Variants in C1QTNF7 observed in about 807,000 individuals in gnomAD.
C1QTNF7 encodes C1q and TNF related 7, also known as complement C1q tumor necrosis factor-related protein 7.
Under a neutral mutation model 19.6 loss-of-function variants are expected in C1QTNF7, and 15 were observed. That is an observed-to-expected ratio of 0.76 (90% CI 0.51 to 1.18). The LOEUF (loss-of-function observed/expected upper bound fraction) is 1.18, where lower values mean the gene tolerates loss of function less well. Among genes scored for constraint, C1QTNF7 ranks in the 50% most tolerant of loss-of-function variants. The pLI, the probability that C1QTNF7 is intolerant of heterozygous loss-of-function variation, is 0.00. For synonymous variants in C1QTNF7, 142 were observed against 137.5 expected, an observed-to-expected ratio of 1.03 and a Z score of -0.23; for missense variants, 324 against 359.7, an observed-to-expected ratio of 0.90 and a Z score of 0.80.
chr4:15,425,269 T>C (rs1204407623), upstream of C1QTNF7, among the ~76,000 whole-genome samples: 1 of 152,084 alleles, frequency 6.6e-6, no homozygotes, highest in Non-Finnish European at 1.5e-5. Flanking sequence ...ATTCAGTAGA[T>C]CTAGTTAAGA....
intron 1 of C1QTNF7, among the ~76,000 whole-genome samples, chr4:15,431,708 C>A (rs1307695531): frequency 6.6e-6 from 1 of 152,154 alleles, no homozygotes; most frequent in Non-Finnish European, 1.5e-5. Flanking sequence ...AACCTCCCCA[C>A]AAAATTCTCC....
intron 1 of C1QTNF7, among the ~76,000 whole-genome samples, chr4:15,356,095 TCA>T (rs1280574735): frequency 6.6e-6 from 1 of 152,066 alleles, no homozygotes; most frequent in Non-Finnish European, 1.5e-5. Context: ...TATTTGTTTT[TCA>T]GTTTCTTTTT....
chr4:15,427,684 A>C (rs1431166129), upstream of C1QTNF7: 1 of 152,210 alleles, frequency 6.6e-6, no homozygotes. Context: ...TTTTTTCTCT[A>C]AGTTAACAAC....
At chr4:15,427,778 A>T (rs549463062), upstream of C1QTNF7, 2 of 152,586 alleles carry the variant, frequency 1.3e-5, no homozygotes, top group East Asian at 3.9e-4. Context: ...TAAGTAAACA[A>T]ATCTGAAAAA....
chr4:15,372,172 A>G (rs1040075613), intron 1 of C1QTNF7, among the ~76,000 whole-genome samples: 1 of 152,184 alleles, frequency 6.6e-6, no homozygotes, highest in African/African-American at 2.4e-5. Flanking sequence ...CAGGCTTGCT[A>G]TGGACTGAAT....
chr4:15,356,344 G>T (rs1256158732), intron 1 of C1QTNF7, among the ~76,000 whole-genome samples: 5 of 151,772 alleles, frequency 3.3e-5, no homozygotes, highest in African/African-American at 4.8e-5. Context: ...GTGAGAACAT[G>T]CAGTGTTTGG....
At chr4:15,347,870 T>C (rs1716772302) in intron 1 of C1QTNF7, among the ~76,000 whole-genome samples, 1 of 152,216 alleles carries the variant, frequency 6.6e-6, no homozygotes, top group African/African-American at 2.4e-5. Flanking sequence ...GATCATTTCT[T>C]AAACTTGCAG....
chr4:15,404,197 A>T (rs1037320134), intron 1 of C1QTNF7, among the ~76,000 whole-genome samples: 4 of 152,172 alleles, frequency 2.6e-5, no homozygotes, highest in Admixed American at 2.0e-4. Context: ...TTTTATATAT[A>T]TTTTTAAAAA....
At chr4:15,354,907 G>A (rs1269051309) in intron 1 of C1QTNF7, among the ~76,000 whole-genome samples, 1 of 152,094 alleles carries the variant, frequency 6.6e-6, no homozygotes, top group Non-Finnish European at 1.5e-5. Flanking sequence ...TAGACATGTT[G>A]CCTCACCCCA....
At chr4:15,352,567 G>A (rs1716977339) in intron 1 of C1QTNF7, among the ~76,000 whole-genome samples, 1 of 152,174 alleles carries the variant, frequency 6.6e-6, no homozygotes, top group Non-Finnish European at 1.5e-5. Context: ...TATCAGAGGG[G>A]GCAGCTAAAA....
chr4:15,346,181 C>T (rs1323789416), intron 1 of C1QTNF7, among the ~76,000 whole-genome samples: 1 of 152,112 alleles, frequency 6.6e-6, no homozygotes, highest in East Asian at 1.9e-4. Flanking sequence ...GTTTATTACC[C>T]CATCTCACTG....
At chr4:15,380,675 C>T (rs1280087627) in intron 1 of C1QTNF7, among the ~76,000 whole-genome samples, 1 of 152,210 alleles carries the variant, frequency 6.6e-6, no homozygotes, top group African/African-American at 2.4e-5. Flanking sequence ...TGGCTCACAT[C>T]TGTAATCCCA....
intron 1 of C1QTNF7, among the ~76,000 whole-genome samples, chr4:15,372,302 T>C (rs548043415): frequency 1.3e-5 from 2 of 152,192 alleles, no homozygotes; most frequent in South Asian, 2.1e-4. Context: ...CATAATCCAA[T>C]AGGACTATGG....
At chr4:15,385,567 AG>A (rs948092155) in intron 1 of C1QTNF7, among the ~76,000 whole-genome samples, 2 of 152,162 alleles carry the variant, frequency 1.3e-5, no homozygotes, top group African/African-American at 2.4e-5. Context: ...AGGCAGTGGG[AG>A]GGGGATCATC....
Position 15,443,832 on chromosome 4 carries a change from T to C in C1QTNF7, c.*1033T>C, listed in dbSNP as rs950746473. 6.6e-6 allele frequency: 1 copy of C among 152,220 alleles called. No homozygotes were observed. The highest frequency in any genetic ancestry group is 2.4e-5 in the African/African-American group (1 of 41,460). The allele number at this position is 152,220 out of a possible 1,614,324, so 9.4% of individuals were successfully genotyped here. ...TCATAAATATGGGCACCACTTTACATTGTGGTAAGACATTGCTTCTCATGG... is the reference window on the plus strand; with the variant it reads ...TCATAAATATGGGCACCACTTTACACTGTGGTAAGACATTGCTTCTCATGG... On this transcript the variant is annotated 3_prime_UTR_variant, in exon 3 of 3. Transcript: ENST00000444304.
intron 1 of C1QTNF7, among the ~76,000 whole-genome samples, chr4:15,344,341 G>C (rs1716644801): frequency 6.6e-6 from 1 of 152,216 alleles, no homozygotes; most frequent in East Asian, 1.9e-4. Context: ...AGCTGTGGCA[G>C]AGACTAAACT....
At chr4:15,423,381 G>A (rs1251366843), upstream of C1QTNF7, among the ~76,000 whole-genome samples, 1 of 152,162 alleles carries the variant, frequency 6.6e-6, no homozygotes, top group East Asian at 1.9e-4. Context: ...AATGACATTT[G>A]TTCATTCCAT....
At chr4:15,341,382 G>A (rs1027481609) in intron 1 of C1QTNF7, among the ~76,000 whole-genome samples, 1 of 152,142 alleles carries the variant, frequency 6.6e-6, no homozygotes, top group African/African-American at 2.4e-5. Flanking sequence ...TCTGTTTCTG[G>A]AATATTTTTT....
intron 1 of C1QTNF7, among the ~76,000 whole-genome samples, chr4:15,393,180 G>A (rs1288269023): frequency 3.3e-5 from 5 of 152,216 alleles, no homozygotes; most frequent in African/African-American, 1.2e-4. Context: ...CGCCATGTAA[G>A]ACATGCCTTT....
Sources: gnomAD v4.1 joint callset for allele counts (sites outside exome capture counted in the v4.1 genomes callset) on GRCh38, gnomAD v4.1.1 for gene constraint, MANE v1.5 for transcripts, NCBI Gene and HGNC (gene_info 2026-07-23, HGNC 2026-07-21) for gene names.